DOCK8: variants seen among roughly 807,000 people sequenced by gnomAD.
The protein encoded by DOCK8 is dedicator of cytokinesis protein 8.
A neutral mutation model predicts 245.6 loss-of-function variants in DOCK8; 141 were observed. That is an observed-to-expected ratio of 0.57 (90% confidence interval 0.50 to 0.66). DOCK8 has a LOEUF of 0.66. Ranked by LOEUF, DOCK8 falls within the 30% of genes least tolerant of loss-of-function variation. The pLI is 0.00. For missense variants in DOCK8, 2,965 were observed against 2,603.4 expected (o/e 1.14, Z -3.02); for synonymous variants, 1,168 against 970.2 (o/e 1.20, Z -3.79).
At chr9:304,021 G>C (rs2049687017) in intron 4 of DOCK8, among the ~76,000 whole-genome samples, 1 of 152,148 alleles carries the variant, frequency 6.6e-6, no homozygotes. Flanking sequence ...TAGACATTCT[G>C]TTTTAAACTC....
rs114283278 is a variant in DOCK8 at position 250,895 on chromosome 9, T to C, written c.54-20732T>C. ...GGGTGAGGGTGGTAGCCTGCGAACA[T>C]TGGATTAGGAGTGAGAGGGACTGAA... On this transcript the variant is annotated intron_variant, in intron 1 of 47. Transcript: ENST00000432829. 9.2e-3 allele frequency among the ~76,000 whole-genome samples: 1,403 copies of C among 152,048 alleles called. 23 individuals carry two copies. Among genetic ancestry groups the C allele is most frequent in the African/African-American group, 0.032 (1,330 of 41,460 alleles).
chr9:343,063 A>G (rs988535677), intron 14 of DOCK8, among the ~76,000 whole-genome samples: 1 of 152,210 alleles, frequency 6.6e-6, no homozygotes, highest in Non-Finnish European at 1.5e-5. Context: ...TTCCTCACCC[A>G]TACTTTCCAG....
chr9:231,940 TAGG>T (rs1345428730), intron 1 of DOCK8, among the ~76,000 whole-genome samples: 1 of 152,148 alleles, frequency 6.6e-6, no homozygotes, highest in Non-Finnish European at 1.5e-5. Context: ...TTATGTTGAA[TAGG>T]AGGTGAGAGA....
In DOCK8 at chr9:399,194, T is replaced by G; in HGVS notation, c.3169T>G (p.Tyr1057Asp). The G allele has an allele frequency of 6.2e-7, 1 of 1,614,100 alleles. No individual in the cohort carries two copies. The highest frequency in any genetic ancestry group is 1.1e-5 in the South Asian group (1 of 91,084). ...KMNISLAFFL[Y>D]DLLSLMDRGF... is the part of the protein sequence containing the mutation. ...GAACATCAGCCTGGCTTTCTTCTTG[T>G]ATGACCTTCTCTCCCTCATGGATCG... Residue 1057 changes from tyrosine (Y) to aspartate (D), a missense_variant, in exon 26 of 48, where the codon TAT becomes GAT. By Grantham distance (160) the Tyr-to-Asp change is radical (BLOSUM62 -3). This residue lies in a region of DOCK8 where 2,825 missense variants were observed against 2,453.5 expected (regional missense o/e 1.15). Transcript: ENST00000432829.
rs897074656 is a variant in DOCK8, at chr9:452,354, A to G, written c.6068+237A>G. The stretch of plus-strand genomic sequence containing the variant: ...AGGACCACTGCAGCAGAGCAACACT[A>G]CTTGAACTACTAATGAGTAACTAAC... On this transcript the variant is annotated intron_variant, in intron 46 of 47. Coordinates refer to ENST00000432829, the MANE Select transcript of DOCK8 (RefSeq NM_203447.4). 1.2e-5 allele frequency: 4 copies of G among 337,084 alleles called. No individual in the cohort carries two copies. The Admixed American group carries it at 1.3e-4, about 11-fold the overall frequency. 20.9% of individuals were successfully genotyped at this position (337,084 alleles called of 1,614,324 possible). A position where few individuals can be genotyped will look rare whatever the true frequency, so the allele number is the denominator to read the frequency against.
At chr9:379,648 C>G (rs1479960469) in intron 20 of DOCK8, 123 bp from the exon 21 acceptor site, 1 of 1,077,794 alleles carries the variant, frequency 9.3e-7, no homozygotes, top group Non-Finnish European at 1.4e-6. Flanking sequence ...ACCATCTACC[C>G]TTCCCAGGCC....
At chr9:259,345 T>C (rs2047861632) in intron 1 of DOCK8, among the ~76,000 whole-genome samples, 1 of 152,132 alleles carries the variant, frequency 6.6e-6, no homozygotes, top group South Asian at 2.1e-4. Flanking sequence ...CTAACATAAC[T>C]GTGAATAGTA....
intron 26 of DOCK8, among the ~76,000 whole-genome samples, chr9:399,632 G>T (rs1586904866): frequency 6.6e-6 from 1 of 151,960 alleles, no homozygotes; most frequent in Non-Finnish European, 1.5e-5. Flanking sequence ...ACATATTAGG[G>T]TAATTAATTA....
Position 390,492 on chromosome 9 carries a change from C to T in DOCK8, c.2896C>T (p.Leu966Phe), listed in dbSNP as rs1377472715. The T allele has an allele frequency of 4.3e-6, 7 of 1,614,180 alleles. No homozygotes were observed. The highest frequency in any genetic ancestry group is 5.9e-6 in the Non-Finnish European group (7 of 1,180,010). The change falls in exon 24 of 48, where the codon CTT (leucine) becomes TTT (phenylalanine). Residue 966 changes from leucine to phenylalanine, a missense_variant. Physicochemically the swap from Leu to Phe is conservative, Grantham distance 22. Transcript: ENST00000432829. The stretch of plus-strand genomic sequence containing the variant: ...TTAGCATTTCCATGAGGAGCTTGCC[C>T]TTCAGATGGTGGTCAGCACCGGAAT... ...SKKHFHEELA[L>F]QMVVSTGMVR...
chr9:342,324 T>C (rs2051644741), intron 14 of DOCK8, among the ~76,000 whole-genome samples: 2 of 150,416 alleles, frequency 1.3e-5, no homozygotes, highest in Admixed American at 6.6e-5. Flanking sequence ...TGTTTGAGTA[T>C]TACTATGGAG....
chr9:311,390 G>A (rs1301338282), intron 5 of DOCK8, among the ~76,000 whole-genome samples: 4 of 149,320 alleles, frequency 2.7e-5, no homozygotes, highest in Non-Finnish European at 5.9e-5. Flanking sequence ...GACTGTAGGT[G>A]CACGCCACCA....
At chr9:287,863 TGGAA>T (rs1306113387) in intron 3 of DOCK8, among the ~76,000 whole-genome samples, 2 of 152,126 alleles carry the variant, frequency 1.3e-5, no homozygotes, top group Non-Finnish European at 2.9e-5. Context: ...GTCAGAATCT[TGGAA>T]AAAGCTGTTT....
intron 44 of DOCK8, among the ~76,000 whole-genome samples, chr9:447,910 A>G (rs1001294758): frequency 5.3e-5 from 8 of 152,252 alleles, no homozygotes; most frequent in Non-Finnish European, 1.0e-4. Context: ...TTTAGAAGCC[A>G]TCTGCTGTAC....
intron 14 of DOCK8, among the ~76,000 whole-genome samples, chr9:354,204 C>T (rs13292517): frequency 0.15 from 22,698 of 152,010 alleles, 1,960 homozygotes; most frequent in Non-Finnish European, 0.2. Flanking sequence ...TGGTGACGGG[C>T]GCCTGTAGTC....
chr9:295,330 G>A lies in DOCK8; in HGVS notation c.404+5749G>A, dbSNP rs74660531. On this transcript the variant is annotated intron_variant, in intron 4 of 47. Transcript: ENST00000432829. Reference sequence around the variant, plus strand: ...AAAAGGACACGGGAGTGCCCTTTGCGTGGTGCTGGGACTGTAGTGCCCATG... The same window carrying A: ...AAAAGGACACGGGAGTGCCCTTTGCATGGTGCTGGGACTGTAGTGCCCATG... 9.6e-3 allele frequency among the ~76,000 whole-genome samples: 1,459 copies of A among 152,226 alleles called. 15 individuals are homozygous for A. Among genetic ancestry groups the A allele is most frequent in the African/African-American group, 0.03 (1,248 of 41,520 alleles).
chr9:247,689 A>G (rs785835), intron 1 of DOCK8, among the ~76,000 whole-genome samples: 60,380 of 151,266 alleles, frequency 0.4, 12,753 homozygotes, highest in East Asian at 0.79. Context: ...ACCCACCACC[A>G]CGCCCGGCTA....
intron 2 of DOCK8, among the ~76,000 whole-genome samples, chr9:276,059 T>C (rs1054896319): frequency 6.6e-6 from 1 of 151,616 alleles, no homozygotes; most frequent in African/African-American, 2.4e-5. Flanking sequence ...TCTGGCTAAT[T>C]TTTGTATTTT....
intron 2 of DOCK8, chr9:284,623 C>A (rs479090): frequency 6.6e-6 from 1 of 152,256 alleles, no homozygotes; most frequent in Admixed American, 6.5e-5. Context: ...AATCATTCTA[C>A]CATAAAGACA....
At chr9:351,729 C>T (rs1207983444) in intron 14 of DOCK8, among the ~76,000 whole-genome samples, 1 of 152,146 alleles carries the variant, frequency 6.6e-6, no homozygotes, top group Non-Finnish European at 1.5e-5. Context: ...TCTTTATGTC[C>T]AAAGTCTGTC....
Sources: allele counts gnomAD v4.1 joint callset (sites outside exome capture counted in the v4.1 genomes callset), GRCh38; gene constraint gnomAD v4.1.1; regional missense constraint gnomAD v4.1.1; transcripts MANE v1.5; gene names NCBI Gene and HGNC (gene_info 2026-07-23, HGNC 2026-07-21).